RPSA2: variants seen among roughly 807,000 people sequenced by gnomAD.
RPSA2 encodes the protein small ribosomal subunit protein uS2B.
At chr19:23,825,820 C>A in the RPSA2 span, among the ~76,000 whole-genome samples, 1 of 152,092 alleles carries the variant, frequency 6.6e-6, no homozygotes, top group African/African-American at 2.4e-5. Flanking sequence ...AACTCCCAAC[C>A]TCAGGTGATC....
the RPSA2 span, chr19:23,807,784 A>G: frequency 1.8e-5 from 6 of 335,628 alleles, no homozygotes; most frequent in Admixed American, 3.6e-5. Context: ...AATTCTGCCA[A>G]TGGCCACTTT....
chr19:23,794,236 G>A, the RPSA2 span, among the ~76,000 whole-genome samples: 1 of 152,292 alleles, frequency 6.6e-6, no homozygotes, highest in African/African-American at 2.4e-5. Context: ...GTTGCTTGGT[G>A]AAATGGTAAT....
At chr19:23,838,194 AGAT>A in the RPSA2 span, among the ~76,000 whole-genome samples, 3 of 152,128 alleles carry the variant, frequency 2.0e-5, no homozygotes, top group Admixed American at 2.0e-4. Flanking sequence ...GCATCTATTG[AGAT>A]GATCATGTGA....
At chr19:23,801,256 G>T in the RPSA2 span, among the ~76,000 whole-genome samples, 29 of 149,314 alleles carry the variant, frequency 1.9e-4, no homozygotes, top group Admixed American at 6.7e-4. Context: ...GGGAGGGTTG[G>T]GGGGGATGGA....
chr19:23,839,132 G>T, the RPSA2 span, among the ~76,000 whole-genome samples: 5 of 152,150 alleles, frequency 3.3e-5, no homozygotes, highest in African/African-American at 9.6e-5. Flanking sequence ...TTGATAGGTT[G>T]TATCATTATT....
At chr19:23,829,039 C>G in the RPSA2 span, among the ~76,000 whole-genome samples, 2 of 151,828 alleles carry the variant, frequency 1.3e-5, no homozygotes, top group African/African-American at 4.8e-5. Context: ...TTTGGAGTTT[C>G]AATTTCAAGC....
the RPSA2 span, among the ~76,000 whole-genome samples, chr19:23,774,093 A>G: frequency 3.9e-5 from 6 of 152,200 alleles, no homozygotes; most frequent in Admixed American, 6.5e-5. Context: ...GGTGCTGCTC[A>G]CAGGGGACAT....
At chr19:23,805,421 C>T in the RPSA2 span, among the ~76,000 whole-genome samples, 316 of 152,228 alleles carry the variant, frequency 2.1e-3, 3 homozygotes, top group African/African-American at 7.3e-3. Context: ...ACCTCAGCCT[C>T]CCAAAGTGCA....
At chr19:23,784,035 G>A in the RPSA2 span, among the ~76,000 whole-genome samples, 1 of 152,144 alleles carries the variant, frequency 6.6e-6, no homozygotes, top group Non-Finnish European at 1.5e-5. Flanking sequence ...TGTGACTCTT[G>A]TGTTTGTTCT....
the RPSA2 span, among the ~76,000 whole-genome samples, chr19:23,820,898 A>G: frequency 6.6e-6 from 1 of 152,180 alleles, no homozygotes; most frequent in East Asian, 1.9e-4. Context: ...CTTCCAGTAC[A>G]AAACTGCTTC....
chr19:23,809,870 A>G, the RPSA2 span, among the ~76,000 whole-genome samples: 2 of 152,228 alleles, frequency 1.3e-5, no homozygotes, highest in African/African-American at 4.8e-5. Context: ...ATGTTAAAAT[A>G]GAAGCATTGA....
At chr19:23,831,990 A>G in the RPSA2 span, 5 of 388,298 alleles carry the variant, frequency 1.3e-5, no homozygotes, top group Non-Finnish European at 2.6e-5. Context: ...AATGTGGAAA[A>G]ACCTTTAATT....
chr19:23,824,830 T>TTC, the RPSA2 span, among the ~76,000 whole-genome samples: 1 of 151,482 alleles, frequency 6.6e-6, no homozygotes, highest in African/African-American at 2.4e-5. Flanking sequence ...GTTAGAAATT[T>TTC]TTTTTTATTA....
At chr19:23,867,941 T>A in the RPSA2 span, among the ~76,000 whole-genome samples, 511 of 152,098 alleles carry the variant, frequency 3.4e-3, 1 homozygote, top group African/African-American at 0.011. Context: ...CAAACCTGTG[T>A]GGGTGGATCA....
the RPSA2 span, among the ~76,000 whole-genome samples, chr19:23,805,667 A>G: frequency 5.3e-5 from 8 of 152,182 alleles, no homozygotes; most frequent in Non-Finnish European, 1.0e-4. Flanking sequence ...GAGGAGGAGA[A>G]AGAGAAAAAA....
the RPSA2 span, chr19:23,758,645 G>A: frequency 1.9e-6 from 3 of 1,576,216 alleles, no homozygotes; most frequent in East Asian, 6.7e-5. Flanking sequence ...CCGCCTGGGC[G>A]AGGAGAACTC....
chr19:23,818,083 C>T, the RPSA2 span: 1 of 152,136 alleles, frequency 6.6e-6, no homozygotes, highest in African/African-American at 2.4e-5. Context: ...CCCTTTGACG[C>T]TTTTTATAAA....
the RPSA2 span, among the ~76,000 whole-genome samples, chr19:23,801,447 T>C: frequency 2.6e-5 from 4 of 152,330 alleles, no homozygotes; most frequent in Non-Finnish European, 5.9e-5. Flanking sequence ...TTCACCATGT[T>C]GGCCAGTATG....
the RPSA2 span, among the ~76,000 whole-genome samples, chr19:23,835,206 A>C: frequency 1.7e-5 from 1 of 60,032 alleles, no homozygotes; most frequent in Non-Finnish European, 3.2e-5. Flanking sequence ...TATTTTTATA[A>C]ATTTTAATAT....
Sources: allele counts gnomAD v4.1 joint callset (sites outside exome capture counted in the v4.1 genomes callset), GRCh38; gene constraint gnomAD v4.1.1; transcripts MANE v1.5; gene names NCBI Gene and HGNC (gene_info 2026-07-23, HGNC 2026-07-21).